The following TRMT9B variants were observed in gnomAD, a reference collection of about 807,000 sequenced individuals.
TRMT9B encodes tRNA methyltransferase 9B (putative).
TRMT9B carries 16 observed loss-of-function variants against 11.5 expected under a neutral mutation model. The observed-to-expected ratio is 1.39, with a 90% CI of 0.94 to 2.11. The LOEUF (loss-of-function observed/expected upper bound fraction) is 2.11, where lower values mean the gene tolerates loss of function less well. Among genes scored for constraint, TRMT9B ranks in the 30% most tolerant of loss-of-function variants. TRMT9B has a pLI of 0.00. For missense variants in TRMT9B, 941 were observed against 553.8 expected (o/e 1.70, Z -7.02); for synonymous variants, 274 against 192.4 (o/e 1.42, Z -3.51).
intron 1 of TRMT9B, among the ~76,000 whole-genome samples, chr8:12,974,140 C>T (rs1804060670): frequency 6.6e-6 from 1 of 152,036 alleles, no homozygotes; most frequent in Admixed American, 6.6e-5. Flanking sequence ...CGATGCTCTC[C>T]AGCCTGGGTG....
At chr8:12,977,641 C>T (rs188633580) in intron 1 of TRMT9B, among the ~76,000 whole-genome samples, 13 of 152,184 alleles carry the variant, frequency 8.5e-5, no homozygotes, top group East Asian at 5.8e-4. Context: ...GCAGAGGTTG[C>T]AGTGAGCTGA....
Position 13,012,719 on chromosome 8 carries a change from C to T in TRMT9B, c.190C>T (p.Gln64Ter), listed in dbSNP as rs1306975679. 1 of 1,613,934 alleles carries T rather than the reference C, an allele frequency of 6.2e-7. No individual in the cohort carries two copies. Among genetic ancestry groups the T allele is most frequent in the Non-Finnish European group, 8.5e-7 (1 of 1,179,842 alleles). Residue 64 changes from glutamine to a stop codon, truncating the protein, a stop_gained, in exon 4 of 5, where the codon CAG becomes TAG. Transcript: ENST00000524591. LOFTEE classifies it high-confidence loss of function. ...TGGAAAATATCTTAAAGTGAACAGC[C>T]AGGTACATACCGTGGGCTGTGACTA... The part of the protein sequence containing the change: ...GTGKYLKVNS[Q>*]VHTVGCDYCG...
intron 1 of TRMT9B, among the ~76,000 whole-genome samples, chr8:12,981,157 G>C (rs910969201): frequency 6.6e-6 from 1 of 152,154 alleles, no homozygotes; most frequent in African/African-American, 2.4e-5. Flanking sequence ...GCTTGTGCTG[G>C]AATATAAATC....
chr8:12,996,647 T>C (rs888370411), intron 2 of TRMT9B, among the ~76,000 whole-genome samples: 2 of 152,166 alleles, frequency 1.3e-5, no homozygotes, highest in African/African-American at 2.4e-5. Flanking sequence ...CAGTTTTAAG[T>C]TCTAACATGG....
At chr8:12,963,071 A>G (rs925559797) in intron 1 of TRMT9B, among the ~76,000 whole-genome samples, 1 of 152,240 alleles carries the variant, frequency 6.6e-6, no homozygotes, top group African/African-American at 2.4e-5. Context: ...TAACTAAAAA[A>G]TGGAGGAAAA....
At chr8:12,997,384 C>A (rs1808556528) in intron 2 of TRMT9B, among the ~76,000 whole-genome samples, 1 of 152,130 alleles carries the variant, frequency 6.6e-6, no homozygotes, top group Admixed American at 6.5e-5. Flanking sequence ...CACCTTCCAC[C>A]ATGAGTAACA....
At chr8:12,987,756 C>G (rs566993602) in intron 1 of TRMT9B, among the ~76,000 whole-genome samples, 1 of 152,136 alleles carries the variant, frequency 6.6e-6, no homozygotes, top group Non-Finnish European at 1.5e-5. Context: ...CCCTAGCCTA[C>G]CTTAAACGTG....
chr8:12,972,717 G>A (rs1279059815), intron 1 of TRMT9B, among the ~76,000 whole-genome samples: 1 of 152,150 alleles, frequency 6.6e-6, no homozygotes, highest in East Asian at 1.9e-4. Flanking sequence ...TAACAGGCAT[G>A]GTCCCAAATA....
chr8:12,948,438 T>C (rs187435778), intron 1 of TRMT9B, among the ~76,000 whole-genome samples: 22 of 148,264 alleles, frequency 1.5e-4, no homozygotes, highest in African/African-American at 5.4e-4. Flanking sequence ...TTCTGTTATA[T>C]ATAAATATAT....
rs77380712 is a variant in TRMT9B at position 12,945,700 on chromosome 8, T to A, written c.-466T>A. 6.6e-6 allele frequency: 1 copy of A among 152,374 alleles called. No homozygotes were observed. The highest frequency in any genetic ancestry group is 2.4e-5 in the African/African-American group (1 of 41,590). 9.4% of individuals were successfully genotyped at this position (152,374 alleles called of 1,614,324 possible). A position where few individuals can be genotyped will look rare whatever the true frequency, so the allele number is the denominator to read the frequency against. ...TCAGTATTGTGTAGTACAGAAAAGA[T>A]CACACATGTATATGTCAGAAGTAGA... is the stretch of plus-strand genomic sequence containing the variant. On this transcript the variant is annotated 5_prime_UTR_variant, in exon 1 of 5. Coordinates refer to ENST00000524591, the MANE Select transcript of TRMT9B (RefSeq NM_020844.3).
chr8:13,020,075 G>T (rs1813530361), intron 4 of TRMT9B, among the ~76,000 whole-genome samples: 1 of 152,162 alleles, frequency 6.6e-6, no homozygotes, highest in Non-Finnish European at 1.5e-5. Context: ...AAACTACAAA[G>T]ATTAGTTTGC....
intron 1 of TRMT9B, among the ~76,000 whole-genome samples, chr8:12,953,144 T>C (rs1268132220): frequency 1.3e-5 from 2 of 152,186 alleles, no homozygotes; most frequent in African/African-American, 4.8e-5. Flanking sequence ...GAGCTTTATG[T>C]TAGGTGGTAG....
At chr8:12,947,790 G>A (rs1800335635) in intron 1 of TRMT9B, among the ~76,000 whole-genome samples, 1 of 152,180 alleles carries the variant, frequency 6.6e-6, no homozygotes, top group Non-Finnish European at 1.5e-5. Context: ...GCTTTGCTAG[G>A]CAACAGCCTT....
intron 1 of TRMT9B, among the ~76,000 whole-genome samples, chr8:12,970,744 A>G (rs1229911484): frequency 2.0e-5 from 3 of 152,246 alleles, no homozygotes; most frequent in Admixed American, 2.0e-4. Flanking sequence ...AGGAATTGGC[A>G]CCAAGGCTTT....
At position 13,029,048 on chromosome 8, in the gene TRMT9B, A is replaced by C. The variant is rs1267638556; in HGVS notation, c.*7004A>C. 2 of 166,574 alleles carry C rather than the reference A, an allele frequency of 1.2e-5. No homozygotes were observed. Among genetic ancestry groups the C allele is most frequent in the East Asian group, 1.9e-4 (1 of 5,196 alleles). 10.3% of individuals were successfully genotyped at this position (166,574 alleles called of 1,614,324 possible). On this transcript the variant is annotated 3_prime_UTR_variant, in exon 5 of 5. Coordinates refer to ENST00000524591, the MANE Select transcript of TRMT9B (RefSeq NM_020844.3). ...TATGTATGTCTGTAAATATATATAT[A>C]ACACACATATATATATATTCCTAGA...
chr8:12,998,401 C>A (rs1188620487), intron 2 of TRMT9B, among the ~76,000 whole-genome samples: 2 of 152,192 alleles, frequency 1.3e-5, no homozygotes, highest in African/African-American at 2.4e-5. Context: ...GGAGACAGAA[C>A]TGTTCTAAAG....
At chr8:12,974,031 C>A (rs1360757452) in intron 1 of TRMT9B, among the ~76,000 whole-genome samples, 1 of 151,996 alleles carries the variant, frequency 6.6e-6, no homozygotes, top group Non-Finnish European at 1.5e-5. Context: ...AAAAGCTAGG[C>A]ATAGTGGCAA....
intron 2 of TRMT9B, among the ~76,000 whole-genome samples, chr8:12,995,714 A>C (rs34856927): frequency 6.6e-6 from 1 of 152,090 alleles, no homozygotes; most frequent in African/African-American, 2.4e-5. Context: ...TGATTCATCT[A>C]TTAGTTGTGT....
intron 1 of TRMT9B, among the ~76,000 whole-genome samples, chr8:12,976,037 T>C (rs564399504): frequency 2.0e-5 from 3 of 152,284 alleles, no homozygotes; most frequent in East Asian, 3.9e-4. Context: ...CAGGAATTTA[T>C]TGAAATATGA....
Sources: gnomAD v4.1 joint callset for allele counts (sites outside exome capture counted in the v4.1 genomes callset) on GRCh38, gnomAD v4.1.1 for gene constraint, MANE v1.5 for transcripts, NCBI Gene and HGNC (gene_info 2026-07-23, HGNC 2026-07-21) for gene names.